AUH: variants seen among roughly 807,000 people sequenced by gnomAD.
The protein encoded by AUH is methylglutaconyl-CoA hydratase, mitochondrial.
AUH carries 29 observed loss-of-function variants against 42.3 expected under a neutral mutation model. That is an observed-to-expected ratio of 0.69 (90% confidence interval 0.51 to 0.93). The LOEUF (loss-of-function observed/expected upper bound fraction) is 0.93. Ranked by LOEUF, AUH falls within the 40% of genes least tolerant of loss-of-function variation. AUH has a pLI of 0.00. For missense variants in AUH, 452 were observed against 438.1 expected (o/e 1.03, Z -0.28); for synonymous variants, 174 against 166.4 (o/e 1.05, Z -0.35).
chr9:91,259,446 A>G (rs947388238), intron 6 of AUH, among the ~76,000 whole-genome samples: 1 of 151,000 alleles, frequency 6.6e-6, no homozygotes, highest in Non-Finnish European at 1.5e-5. Context: ...TTTTTTAAAC[A>G]TTTTCAAAGA....
intron 3 of AUH, among the ~76,000 whole-genome samples, chr9:91,347,224 G>A (rs1831583280): frequency 6.6e-6 from 1 of 151,752 alleles, no homozygotes; most frequent in African/African-American, 2.4e-5. Context: ...TTGTTTGTTT[G>A]TTTGTTTGTT....
In AUH at chr9:91,218,541, C is replaced by T. The variant is rs1036991261; in HGVS notation, c.844-1214G>A. The T allele has an allele frequency of 4.8e-5, 42 of 875,238 alleles. No individual in the cohort carries two copies. In the East Asian group the frequency reaches 8.4e-4, roughly 18 times the overall value. 54.2% of individuals were successfully genotyped at this position (875,238 alleles called of 1,614,324 possible). On this transcript the variant is annotated intron_variant, in intron 7 of 9. Transcript: ENST00000375731. ...TCTGAGATGGGCCTGAGATTCTGCACGTCTAACAAGCTGCCAGGAGATGCC... is the reference window on the plus strand; with the variant it reads ...TCTGAGATGGGCCTGAGATTCTGCATGTCTAACAAGCTGCCAGGAGATGCC...
At chr9:91,303,511 T>C (rs759935078) in intron 4 of AUH, among the ~76,000 whole-genome samples, 70 of 152,258 alleles carry the variant, frequency 4.6e-4, no homozygotes, top group Non-Finnish European at 7.9e-4. Flanking sequence ...TTTGTGTTTT[T>C]AGTAGAGACA....
chr9:91,349,914 C>CTAAT (rs1416905451), intron 3 of AUH, among the ~76,000 whole-genome samples: 1 of 152,120 alleles, frequency 6.6e-6, no homozygotes, highest in African/African-American at 2.4e-5. Flanking sequence ...AAGTGGTGTT[C>CTAAT]TAATCTACAA....
rs530502367 is a variant in AUH, at chr9:91,294,579, A to G, written c.655+1442T>C. ...CAAAACAAAACAAAAACCACATTTC[A>G]TAAGGCTATAGCTGCCATAGACAGT... On this transcript the variant is annotated intron_variant, in intron 6 of 9. Coordinates refer to ENST00000375731, the MANE Select transcript of AUH (RefSeq NM_001698.3). The G allele has an allele frequency of 3.7e-5, 14 of 378,638 alleles. 1 individual carries two copies. Among genetic ancestry groups the G allele is most frequent in the South Asian group, 1.4e-4 (7 of 49,052 alleles). 23.5% of individuals were successfully genotyped at this position (378,638 alleles called of 1,614,324 possible).
chr9:91,294,923 G>A, intron 6 of AUH: 1 of 372,804 alleles, frequency 2.7e-6, no homozygotes, highest in Non-Finnish European at 5.3e-6. Flanking sequence ...GGATTGATCT[G>A]GTTTGGCTGT....
At chr9:91,354,472 A>G (rs1263668566) in intron 3 of AUH, among the ~76,000 whole-genome samples, 1 of 152,236 alleles carries the variant, frequency 6.6e-6, no homozygotes, top group East Asian at 1.9e-4. Flanking sequence ...GCATGTCCTC[A>G]AAAAGGCAAT....
chr9:91,298,833 T>A (rs531075712), intron 4 of AUH, among the ~76,000 whole-genome samples: 57 of 152,366 alleles, frequency 3.7e-4, no homozygotes, highest in African/African-American at 1.3e-3. Context: ...TTAGTTATTC[T>A]GAAAAGCAGA....
intron 9 of AUH, among the ~76,000 whole-genome samples, chr9:91,215,325 T>C (rs912581630): frequency 6.6e-6 from 1 of 152,178 alleles, no homozygotes; most frequent in African/African-American, 2.4e-5. Context: ...TGCCAAAATC[T>C]GCAGATGCTC....
At chr9:91,335,748 G>A (rs1456077992) in intron 3 of AUH, among the ~76,000 whole-genome samples, 2 of 152,074 alleles carry the variant, frequency 1.3e-5, no homozygotes, top group South Asian at 4.1e-4. Context: ...AGATTCATTT[G>A]CTGAGCTGTA....
intron 3 of AUH, among the ~76,000 whole-genome samples, chr9:91,333,370 A>T (rs1326293264): frequency 6.6e-6 from 1 of 152,162 alleles, no homozygotes; most frequent in East Asian, 1.9e-4. Context: ...ATGTGTATGC[A>T]AATTAAATTA....
chr9:91,273,621 C>G (rs1825326629), intron 6 of AUH, among the ~76,000 whole-genome samples: 1 of 152,080 alleles, frequency 6.6e-6, no homozygotes, highest in Non-Finnish European at 1.5e-5. Flanking sequence ...ATAAAGGTAC[C>G]AAATTGAAGT....
intron 6 of AUH, among the ~76,000 whole-genome samples, chr9:91,256,368 G>A (rs970916317): frequency 5.3e-5 from 8 of 152,020 alleles, no homozygotes; most frequent in African/African-American, 7.3e-5. Context: ...AAAGACTATC[G>A]AGAACCCCAG....
chr9:91,322,456 A>G (rs1230635331), intron 4 of AUH, among the ~76,000 whole-genome samples: 1 of 152,240 alleles, frequency 6.6e-6, no homozygotes, highest in African/African-American at 2.4e-5. Flanking sequence ...AGGGCCTAAA[A>G]CAATACCAGC....
At chr9:91,329,491 T>C (rs1272253309) in intron 3 of AUH, among the ~76,000 whole-genome samples, 1 of 152,158 alleles carries the variant, frequency 6.6e-6, no homozygotes, top group Non-Finnish European at 1.5e-5. Context: ...ATTTCCCTAA[T>C]GACTAATGAG....
At chr9:91,327,698 G>A (rs540730265) in intron 3 of AUH, among the ~76,000 whole-genome samples, 54 of 152,346 alleles carry the variant, frequency 3.5e-4, no homozygotes, top group Non-Finnish European at 6.3e-4. Context: ...TGGCCGGCTC[G>A]CCAAGCTGCG....
chr9:91,328,012 C>T (rs926234931), intron 3 of AUH, among the ~76,000 whole-genome samples: 1 of 152,182 alleles, frequency 6.6e-6, no homozygotes, highest in African/African-American at 2.4e-5. Flanking sequence ...CCTGCCAGGC[C>T]AAGAGGGTGG....
intron 3 of AUH, among the ~76,000 whole-genome samples, chr9:91,351,097 G>A: frequency 6.6e-6 from 1 of 152,028 alleles, no homozygotes; most frequent in Non-Finnish European, 1.5e-5. Flanking sequence ...AGCCTCCTGA[G>A]TAGCTAGGAC....
At chr9:91,301,018 C>T (rs1234293494) in intron 4 of AUH, among the ~76,000 whole-genome samples, 1 of 152,252 alleles carries the variant, frequency 6.6e-6, no homozygotes, top group African/African-American at 2.4e-5. Context: ...GGACAAACCT[C>T]ACGGTTTTTC....
Sources: allele counts gnomAD v4.1 joint callset (sites outside exome capture counted in the v4.1 genomes callset), GRCh38; gene constraint gnomAD v4.1.1; transcripts MANE v1.5; gene names NCBI Gene and HGNC (gene_info 2026-07-23, HGNC 2026-07-21).